Variants in NAV3 observed in about 807,000 individuals in gnomAD.
The protein encoded by NAV3 is pore membrane and/or filament interacting like protein 1.
Under a neutral mutation model 244.7 loss-of-function variants are expected in NAV3, and 87 were observed. The observed-to-expected ratio is 0.36, with a 90% CI of 0.30 to 0.42. NAV3 has a LOEUF of 0.42. Ranked by LOEUF, NAV3 falls within the 20% of genes least tolerant of loss-of-function variation. The probability of loss-of-function intolerance (pLI) is 1.00; values close to 1 mark genes in which losing one functional copy is unlikely to be tolerated. For synonymous variants in NAV3, 1,126 were observed against 1,042.2 expected (o/e 1.08, Z -1.55); for missense variants, 2,663 against 2,893.3 (o/e 0.92, Z 1.83).
At chr12:78,071,709 AG>A (rs1952779176) in intron 12 of NAV3, among the ~76,000 whole-genome samples, 1 of 152,056 alleles carries the variant, frequency 6.6e-6, no homozygotes, top group Non-Finnish European at 1.5e-5. Context: ...CAGTTTTCCC[AG>A]CGCCATTTAT....
At chr12:77,980,797 T>C (rs1869423991) in intron 5 of NAV3, among the ~76,000 whole-genome samples, 1 of 152,176 alleles carries the variant, frequency 6.6e-6, no homozygotes, top group South Asian at 2.1e-4. Flanking sequence ...TATGGTGATA[T>C]TGTAAAAGAA....
At chr12:78,036,292 T>C (rs532974988) in intron 9 of NAV3, 1 of 152,414 alleles carries the variant, frequency 6.6e-6, no homozygotes, top group Non-Finnish European at 1.5e-5. Flanking sequence ...GTAAGAGGCT[T>C]GTGCAGGGCT....
chr12:78,042,707 T>TTGAGAGGCCGAAGCAGGG (rs1360043864), intron 9 of NAV3, among the ~76,000 whole-genome samples: 2 of 152,160 alleles, frequency 1.3e-5, no homozygotes, highest in Non-Finnish European at 2.9e-5. Flanking sequence ...GGGAATCGCT[T>TTGAGAGGCCGAAGCAGGG]GAATTCCAGA....
rs1254909189 is a variant in NAV3, at chr12:77,703,362, A to T, written c.72+131096A>T. 2.6e-5 allele frequency among the ~76,000 whole-genome samples: 4 copies of T among 152,076 alleles called. No homozygotes were observed. In the East Asian group the frequency reaches 7.7e-4, roughly 29 times the overall value. On this transcript the variant is annotated intron_variant, in intron 2 of 8. Coordinates refer to the NAV3 transcript ENST00000550042. ...ATCTTATTACATGTATCAGCACTTC[A>T]TTTATTATATTGAGTGGTATTCCAT...
intron 2 of NAV3, among the ~76,000 whole-genome samples, chr12:77,674,727 G>A (rs946159785): frequency 6.6e-6 from 1 of 152,100 alleles, no homozygotes; most frequent in African/African-American, 2.4e-5. Flanking sequence ...TTGTTAAGTT[G>A]CACATGCATT....
Position 78,197,412 on chromosome 12 carries a change from C to G in NAV3, c.6446+11C>G. ...TAAATACAACAAATGGTATGCTTATCAAATATTCTGAATAATGAAATATGA... is the reference window on the plus strand; with the variant it reads ...TAAATACAACAAATGGTATGCTTATGAAATATTCTGAATAATGAAATATGA... On this transcript the variant is annotated intron_variant, in intron 35 of 39. Coordinates refer to ENST00000397909, the MANE Select transcript of NAV3 (RefSeq NM_001024383.2). The G allele has an allele frequency of 1.3e-6, 2 of 1,571,598 alleles. No individual in the cohort carries two copies. Among genetic ancestry groups the G allele is most frequent in the Non-Finnish European group, 8.7e-7 (1 of 1,154,886 alleles).
At chr12:78,137,495 A>G (rs1199709100) in intron 19 of NAV3, 130 bp downstream of exon 19, 1 of 877,346 alleles carries the variant, frequency 1.1e-6, no homozygotes, top group Non-Finnish European at 1.6e-6. Flanking sequence ...TTGGGAAACT[A>G]GAAGCTTGAA....
intron 2 of NAV3, among the ~76,000 whole-genome samples, chr12:77,702,557 T>G (rs1258513813): frequency 6.6e-6 from 1 of 152,036 alleles, no homozygotes; most frequent in Non-Finnish European, 1.5e-5. Flanking sequence ...TAAAAACAGA[T>G]TTGAATTTTT....
At position 77,588,604 on chromosome 12, in the gene NAV3, G is replaced by A. The variant is rs59801472; in HGVS notation, c.72+16338G>A. ...AGGTTTCAGGCACCTTAAGTCCCAG[G>A]CCCTAAGCATCCCTGCGTCCCCAGT... On this transcript the variant is annotated intron_variant, in intron 2 of 8. Transcript: ENST00000550042. 6.3e-3 allele frequency among the ~76,000 whole-genome samples: 961 copies of A among 152,104 alleles called. 7 individuals are homozygous for A. Among genetic ancestry groups the A allele is most frequent in the African/African-American group, 0.022 (915 of 41,480 alleles).
intron 11 of NAV3, 146 bp from the exon 12 acceptor site, chr12:78,058,850 T>C (rs1442003133): frequency 7.7e-6 from 4 of 520,404 alleles, no homozygotes. Context: ...CCCTGGTGAG[T>C]AGAATGTTTA....
At chr12:78,019,802 T>A (rs17044765) in intron 8 of NAV3, among the ~76,000 whole-genome samples, 9,676 of 152,092 alleles carry the variant, frequency 0.064, 989 homozygotes, top group African/African-American at 0.22. Flanking sequence ...ATGCAAGACC[T>A]TGTAAGTTCC....
At chr12:77,662,783 T>C (rs538532497) in intron 2 of NAV3, among the ~76,000 whole-genome samples, 3 of 152,246 alleles carry the variant, frequency 2.0e-5, no homozygotes, top group African/African-American at 7.2e-5. Context: ...CCTAGGCTAC[T>C]TAGACAATGT....
chr12:77,619,747 T>G (rs1279949493), intron 2 of NAV3, among the ~76,000 whole-genome samples: 1 of 152,140 alleles, frequency 6.6e-6, no homozygotes, highest in African/African-American at 2.4e-5. Flanking sequence ...AATCACCATT[T>G]ATCTTCACAT....
chr12:78,179,831 A>G (rs1302141561), intron 29 of NAV3, 149 bp downstream of exon 29: 7 of 957,790 alleles, frequency 7.3e-6, no homozygotes, highest in African/African-American at 5.0e-5. Flanking sequence ...CTCATCTGTT[A>G]GTACTGAATT....
At chr12:77,802,397 G>A (rs999867197) in intron 2 of NAV3, among the ~76,000 whole-genome samples, 2 of 152,164 alleles carry the variant, frequency 1.3e-5, no homozygotes, top group Admixed American at 1.3e-4. Context: ...GAATTTAGAT[G>A]TATCATGAAT....
chr12:77,800,200 C>A, intron 2 of NAV3, among the ~76,000 whole-genome samples: 1 of 110,728 alleles, frequency 9.0e-6, no homozygotes, highest in African/African-American at 2.7e-5. Context: ...GCTTGCTAAG[C>A]ATAGTAAAGG....
intron 1 of NAV3, among the ~76,000 whole-genome samples, chr12:77,837,331 C>A (rs1565841899): frequency 6.6e-6 from 1 of 151,502 alleles, no homozygotes; most frequent in Non-Finnish European, 1.5e-5. Context: ...AGCAGGTAGA[C>A]AATGGAGAAA....
chr12:78,009,934 G>A (rs1874967306), intron 8 of NAV3, among the ~76,000 whole-genome samples: 2 of 152,066 alleles, frequency 1.3e-5, no homozygotes, highest in Admixed American at 1.3e-4. Flanking sequence ...ATGAAACTAT[G>A]GTTGGCATGG....
intron 1 of NAV3, among the ~76,000 whole-genome samples, chr12:77,938,230 T>A (rs753233668): frequency 6.6e-6 from 1 of 152,324 alleles, no homozygotes; most frequent in Admixed American, 6.5e-5. Flanking sequence ...GTGTGCTCAA[T>A]GTTTTAAATT....
Sources: allele counts gnomAD v4.1 joint callset (sites outside exome capture counted in the v4.1 genomes callset), GRCh38; gene constraint gnomAD v4.1.1; transcripts MANE v1.5; gene names NCBI Gene and HGNC (gene_info 2026-07-23, HGNC 2026-07-21).